The following ENPP6 variants were observed in gnomAD, a reference collection of about 807,000 sequenced individuals.
The protein encoded by ENPP6 is glycerophosphocholine cholinephosphodiesterase ENPP6.
A neutral mutation model predicts 42.0 loss-of-function variants in ENPP6; 32 were observed. The observed-to-expected ratio is 0.76, with a 90% CI of 0.58 to 1.02. ENPP6 has a LOEUF of 1.02. Among genes scored for constraint, ENPP6 ranks in the 50% least tolerant of loss-of-function variants. The pLI is 0.00. For synonymous variants in ENPP6, 213 were observed against 216.0 expected (o/e 0.99, Z 0.12); for missense variants, 552 against 566.8 (o/e 0.97, Z 0.27).
chr4:184,192,524 G>A (rs1321723126), intron 1 of ENPP6, among the ~76,000 whole-genome samples: 4 of 152,130 alleles, frequency 2.6e-5, no homozygotes, highest in Non-Finnish European at 5.9e-5. Context: ...AAATCATCAC[G>A]ATGTTGGGTT....
intron 2 of ENPP6, among the ~76,000 whole-genome samples, chr4:184,150,404 C>T (rs1008425864): frequency 3.3e-5 from 5 of 152,022 alleles, no homozygotes; most frequent in African/African-American, 7.3e-5. Flanking sequence ...CAGGCCTCAC[C>T]GAGAGGTCTG....
chr4:184,131,980 T>C (rs1172454845), intron 2 of ENPP6, among the ~76,000 whole-genome samples: 3 of 152,112 alleles, frequency 2.0e-5, no homozygotes. Context: ...TCTGAAGGCC[T>C]GAGAACCAGG....
At chr4:184,194,066 A>C (rs1732752036) in intron 1 of ENPP6, among the ~76,000 whole-genome samples, 1 of 151,792 alleles carries the variant, frequency 6.6e-6, no homozygotes. Context: ...CTTCTTCCAC[A>C]CTGTGCCCAC....
At chr4:184,200,778 C>A (rs1026890957) in intron 1 of ENPP6, among the ~76,000 whole-genome samples, 1 of 152,200 alleles carries the variant, frequency 6.6e-6, no homozygotes, top group African/African-American at 2.4e-5. Flanking sequence ...AAAGGTGACT[C>A]CCGGGGGACC....
intron 3 of ENPP6, among the ~76,000 whole-genome samples, chr4:184,123,205 G>A (rs969675484): frequency 1.6e-4 from 25 of 152,250 alleles, no homozygotes; most frequent in Admixed American, 3.3e-4. Flanking sequence ...TCGGAAGGGC[G>A]TGGCAAGAAG....
intron 1 of ENPP6, among the ~76,000 whole-genome samples, chr4:184,200,758 G>A (rs1216493031): frequency 6.6e-6 from 1 of 152,166 alleles, no homozygotes; most frequent in African/African-American, 2.4e-5. Context: ...GGATGAGACT[G>A]CTCACCACCA....
At chr4:184,132,955 T>C (rs1431937346) in intron 2 of ENPP6, among the ~76,000 whole-genome samples, 3 of 152,116 alleles carry the variant, frequency 2.0e-5, no homozygotes, top group Non-Finnish European at 4.4e-5. Context: ...CATATGTTTG[T>C]GGGTTTATTT....
At position 184,153,654 on chromosome 4, in the gene ENPP6, G is replaced by A. The variant is rs1202764855; in HGVS notation, c.321C>T (p.Val107=). The change falls in exon 2 of 8, where the codon GTC becomes GTT. Residue 107 remains valine, a synonymous_variant. Coordinates refer to ENST00000296741, the MANE Select transcript of ENPP6 (RefSeq NM_153343.4). ...PTTNKSFDIG[V]NKDSLMPLWW... The stretch of plus-strand genomic sequence containing the variant: ...AGAGAGGCATTAGGCTGTCTTTGTT[G>A]ACGCCAATGTCAAAGGACTTGTTGG... 1 of 1,614,156 alleles carries A rather than the reference G, an allele frequency of 6.2e-7. No individual in the cohort carries two copies. The highest frequency in any genetic ancestry group is 1.1e-5 in the South Asian group (1 of 91,080).
chr4:184,165,893 C>A (rs760035083), intron 1 of ENPP6, among the ~76,000 whole-genome samples: 11 of 152,192 alleles, frequency 7.2e-5, no homozygotes, highest in Non-Finnish European at 1.3e-4. Flanking sequence ...GTCAGATATT[C>A]CCACTAGTAG....
At chr4:184,123,967 C>T (rs1736460032) in intron 3 of ENPP6, among the ~76,000 whole-genome samples, 194 bp downstream of exon 3, 1 of 152,212 alleles carries the variant, frequency 6.6e-6, no homozygotes, top group Non-Finnish European at 1.5e-5. Flanking sequence ...TTCAACATTT[C>T]CAGAGATTGC....
intron 7 of ENPP6, among the ~76,000 whole-genome samples, chr4:184,093,174 C>T (rs1735837252): frequency 6.6e-6 from 1 of 152,142 alleles, no homozygotes; most frequent in African/African-American, 2.4e-5. Context: ...GTTCCTGGAA[C>T]ACTGTGTATA....
intron 1 of ENPP6, among the ~76,000 whole-genome samples, chr4:184,173,473 C>T (rs541588752): frequency 2.6e-5 from 4 of 152,244 alleles, no homozygotes; most frequent in African/African-American, 7.2e-5. Context: ...AGGTTGAATT[C>T]GACGACCAAG....
At chr4:184,204,424 G>A (rs1034183924) in intron 1 of ENPP6, among the ~76,000 whole-genome samples, 10 of 152,160 alleles carry the variant, frequency 6.6e-5, no homozygotes, top group South Asian at 2.1e-4. Context: ...TGCCACATGC[G>A]TCCCTAGGTC....
chr4:184,137,895 T>C (rs1259382065), intron 2 of ENPP6, among the ~76,000 whole-genome samples: 1 of 152,230 alleles, frequency 6.6e-6, no homozygotes, highest in African/African-American at 2.4e-5. Context: ...TGGATGCACC[T>C]CTTTCTCCAG....
chr4:184,095,293 T>C (rs1735881127), intron 7 of ENPP6, among the ~76,000 whole-genome samples: 1 of 152,180 alleles, frequency 6.6e-6, no homozygotes. Flanking sequence ...ATTTTAACTT[T>C]AAGCTAATGC....
At chr4:184,213,722 C>T (rs995560146) in intron 1 of ENPP6, among the ~76,000 whole-genome samples, 1 of 149,188 alleles carries the variant, frequency 6.7e-6, no homozygotes, top group Non-Finnish European at 1.5e-5. Flanking sequence ...CCATTTGACC[C>T]AGCCATCCCA....
chr4:184,178,900 A>G (rs1732494881), intron 1 of ENPP6, among the ~76,000 whole-genome samples: 1 of 152,226 alleles, frequency 6.6e-6, no homozygotes, highest in Non-Finnish European at 1.5e-5. Context: ...AGGAAAAACC[A>G]TTACCAGCCA....
At chr4:184,108,520 T>C (rs1278625668) in intron 6 of ENPP6, among the ~76,000 whole-genome samples, 1 of 152,216 alleles carries the variant, frequency 6.6e-6, no homozygotes, top group Non-Finnish European at 1.5e-5. Context: ...AATCGAACGA[T>C]GTCAAAGGAA....
chr4:184,097,221 G>A, intron 7 of ENPP6, 24 bp downstream of exon 7: 1 of 1,613,924 alleles, frequency 6.2e-7, no homozygotes, highest in Non-Finnish European at 8.5e-7. Flanking sequence ...GGGTCTGAGA[G>A]CATCTGGTCA....
Sources: allele counts gnomAD v4.1 joint callset (sites outside exome capture counted in the v4.1 genomes callset), GRCh38; gene constraint gnomAD v4.1.1; transcripts MANE v1.5; gene names NCBI Gene and HGNC (gene_info 2026-07-23, HGNC 2026-07-21).